Variants in P3H2 observed in about 807,000 individuals in gnomAD.
P3H2 encodes leprecan-like 1.
In P3H2, 80 loss-of-function variants were observed where a neutral mutation model predicts 87.0. The observed-to-expected ratio is 0.92, with a 90% CI of 0.77 to 1.11. P3H2 has a LOEUF of 1.11. Ranked by LOEUF, P3H2 falls within the 50% of genes least tolerant of loss-of-function variation. The pLI, the probability that P3H2 is intolerant of heterozygous loss-of-function variation, is 0.00. For synonymous variants in P3H2, 367 were observed against 359.3 expected (o/e 1.02, Z -0.24); for missense variants, 1,001 against 923.9 (o/e 1.08, Z -1.08).
At position 189,957,411 on chromosome 3, in the gene P3H2, C is replaced by T; in HGVS notation, c.*501G>A. ...GTTTCACCACCAAGAAGCTTATTCT[C>T]TCTAAGCTTTTGAATTTGCAGCAAC... On this transcript the variant is annotated 3_prime_UTR_variant, in exon 15 of 15. Transcript: ENST00000319332. 2.5e-6 allele frequency: 1 copy of T among 393,074 alleles called. No individual in the cohort carries two copies. Among genetic ancestry groups the T allele is most frequent in the Non-Finnish European group, 4.5e-6 (1 of 223,624 alleles). 24.3% of individuals were successfully genotyped at this position (393,074 alleles called of 1,614,324 possible). A position where few individuals can be genotyped will look rare whatever the true frequency, so the allele number is the denominator to read the frequency against.
At chr3:189,973,669 A>G (rs1436725467) in intron 10 of P3H2, among the ~76,000 whole-genome samples, 3 of 151,360 alleles carry the variant, frequency 2.0e-5, no homozygotes, top group African/African-American at 4.9e-5. Context: ...GACTACAGGC[A>G]CCCACTACCA....
chr3:190,085,233 G>C (rs879931870), intron 1 of P3H2, among the ~76,000 whole-genome samples: 7 of 152,096 alleles, frequency 4.6e-5, no homozygotes, highest in Non-Finnish European at 8.8e-5. Flanking sequence ...TTGTTTGTTG[G>C]CACAACATTA....
Position 189,957,450 on chromosome 3 carries a change from T to C in P3H2, c.*462A>G. 1 of 113,784 alleles carries C rather than the reference T, an allele frequency of 8.8e-6. No individual in the cohort carries two copies. 7.0% of individuals were successfully genotyped at this position (113,784 alleles called of 1,614,324 possible). On this transcript the variant is annotated 3_prime_UTR_variant, in exon 15 of 15. Coordinates refer to ENST00000319332, the MANE Select transcript of P3H2 (RefSeq NM_018192.4). ...ATTTGCAGCAACTTAATTGTGTGTG[T>C]GTGTGTGTGTGTGTGTGTGTGTGTG...
Position 189,995,439 on chromosome 3 carries a change from TA to T in P3H2, c.483del (p.Asn162ThrfsTer42). 1.9e-6 allele frequency: 3 copies of T among 1,613,220 alleles called. No homozygotes were observed. The highest frequency in any genetic ancestry group is 2.5e-6 in the Non-Finnish European group (3 of 1,179,920). On this transcript the variant is annotated frameshift_variant and splice_region_variant, in exon 2 of 15. Transcript: ENST00000319332. LOFTEE classifies it high-confidence loss of function. ...GCTTCCACTGCTTTTTCGAGCTGGTTAAGCTAAAGAGAAAAAAAAATGACCA... is the reference window on the plus strand; with the variant it reads ...GCTTCCACTGCTTTTTCGAGCTGGTTAGCTAAAGAGAAAAAAAAATGACCA... ...YNYLQRAYIK[L>X]NQLEKAVEAA...
chr3:189,972,302 T>C (rs1392293778), intron 11 of P3H2, among the ~76,000 whole-genome samples: 2 of 152,128 alleles, frequency 1.3e-5, no homozygotes, highest in Admixed American at 6.5e-5. Context: ...GTACTTCACA[T>C]AGGGCAGCAA....
Position 190,109,475 on chromosome 3 carries a change from G to A in P3H2, c.480+10777C>T, listed in dbSNP as rs115999717. Among the ~76,000 whole-genome samples, 1,154 of 152,302 alleles carry A rather than the reference G, an allele frequency of 7.6e-3. 19 individuals are homozygous for A. The highest frequency in any genetic ancestry group is 0.026 in the African/African-American group (1,066 of 41,558). On this transcript the variant is annotated intron_variant, in intron 1 of 14. Coordinates refer to ENST00000319332, the MANE Select transcript of P3H2 (RefSeq NM_018192.4). ...CAGTGGATTATTTATAAATAATTGGGTTTGAGAACTTTACAAGGTGAATGA... is the reference window on the plus strand; with the variant it reads ...CAGTGGATTATTTATAAATAATTGGATTTGAGAACTTTACAAGGTGAATGA...
At chr3:189,995,633 C>A (rs1399059579) in intron 1 of P3H2, among the ~76,000 whole-genome samples, 191 bp from the exon 2 acceptor site, 2 of 148,952 alleles carry the variant, frequency 1.3e-5, no homozygotes, top group Non-Finnish European at 3.0e-5. Context: ...TTCTGCACAG[C>A]AAAGAAAGCA....
intron 1 of P3H2, among the ~76,000 whole-genome samples, chr3:190,074,036 G>A (rs1376634329): frequency 6.6e-6 from 1 of 152,120 alleles, no homozygotes; most frequent in South Asian, 2.1e-4. Context: ...GTAAAAGACA[G>A]GACACTTAAA....
intron 13 of P3H2, 43 bp downstream of exon 13, chr3:189,970,773 G>T: frequency 1.7e-6 from 2 of 1,171,472 alleles, no homozygotes; most frequent in Middle Eastern, 2.5e-4. Flanking sequence ...GCAATACTGA[G>T]CTAAAACATA....
chr3:189,984,624 A>C, intron 6 of P3H2, 34 bp from the exon 7 acceptor site: 1 of 1,484,472 alleles, frequency 6.7e-7, no homozygotes. Context: ...AAAATGCAGT[A>C]ATTTTGTCAC....
intron 1 of P3H2, among the ~76,000 whole-genome samples, chr3:190,086,618 G>C (rs1262560047): frequency 6.6e-6 from 1 of 152,152 alleles, no homozygotes; most frequent in East Asian, 1.9e-4. Context: ...AAATGGTTAG[G>C]ACTAGGGAAA....
rs558082519 is a variant in P3H2, at chr3:190,090,724, C to G, written c.480+29528G>C. Among the ~76,000 whole-genome samples the G allele has an allele frequency of 3.9e-4, 59 of 152,078 alleles. 1 individual carries two copies. The highest frequency in any genetic ancestry group is 2.4e-4 in the Non-Finnish European group (16 of 67,984). ...ACTCAAAAAAAAAAAAAATTTACCACCTATTACCTTAGAAAACAAACTGTA... is the reference window on the plus strand; with the variant it reads ...ACTCAAAAAAAAAAAAAATTTACCAGCTATTACCTTAGAAAACAAACTGTA... On this transcript the variant is annotated intron_variant, in intron 1 of 14. Transcript: ENST00000319332.
chr3:189,966,972 C>T (rs764394416), intron 13 of P3H2, among the ~76,000 whole-genome samples: 6 of 152,132 alleles, frequency 3.9e-5, no homozygotes, highest in African/African-American at 7.2e-5. Context: ...ACTCAGAAGA[C>T]GTTACTTCCT....
chr3:190,066,671 A>T (rs145324518), intron 1 of P3H2, among the ~76,000 whole-genome samples: 1 of 152,148 alleles, frequency 6.6e-6, no homozygotes, highest in Non-Finnish European at 1.5e-5. Context: ...CAATATAAAA[A>T]AAGTTTATGA....
intron 1 of P3H2, among the ~76,000 whole-genome samples, chr3:190,033,399 TAG>T (rs2108948814): frequency 6.6e-6 from 1 of 152,324 alleles, no homozygotes; most frequent in African/African-American, 2.4e-5. Flanking sequence ...TAGAAAAATA[TAG>T]AGAGAAATCT....
At chr3:190,070,018 A>G (rs1726646383) in intron 1 of P3H2, among the ~76,000 whole-genome samples, 1 of 151,416 alleles carries the variant, frequency 6.6e-6, no homozygotes, top group African/African-American at 2.4e-5. Flanking sequence ...AAGGTGGTTT[A>G]CTTGTTTTAA....
chr3:190,075,434 A>G (rs932262059), intron 1 of P3H2, among the ~76,000 whole-genome samples: 2 of 151,878 alleles, frequency 1.3e-5, no homozygotes, highest in African/African-American at 4.8e-5. Context: ...ACAGTGAGTC[A>G]AGATTGCACC....
Position 189,985,886 on chromosome 3 carries a change from A to G in P3H2, c.1188+902T>C, listed in dbSNP as rs552788421. Reference sequence around the variant, plus strand: ...TCTAAATTCTACCAACTTTTTAGAGACTAAAATGTAGCTAAAAATACCTTT... The same window carrying G: ...TCTAAATTCTACCAACTTTTTAGAGGCTAAAATGTAGCTAAAAATACCTTT... On this transcript the variant is annotated intron_variant, in intron 6 of 14. Transcript: ENST00000319332. 7.9e-4 allele frequency among the ~76,000 whole-genome samples: 121 copies of G among 152,268 alleles called. 1 individual carries two copies. Among genetic ancestry groups the G allele is most frequent in the Middle Eastern group, 3.4e-3 (1 of 292 alleles).
At chr3:189,992,733 G>A (rs539967602) in intron 3 of P3H2, among the ~76,000 whole-genome samples, 21 of 152,228 alleles carry the variant, frequency 1.4e-4, no homozygotes, top group African/African-American at 5.1e-4. Flanking sequence ...GTATCTATAA[G>A]AGTTGCTTAA....
Sources: allele counts gnomAD v4.1 joint callset (sites outside exome capture counted in the v4.1 genomes callset), GRCh38; gene constraint gnomAD v4.1.1; transcripts MANE v1.5; gene names NCBI Gene and HGNC (gene_info 2026-07-23, HGNC 2026-07-21).